MAGI2: variants seen among roughly 807,000 people sequenced by gnomAD.
The protein encoded by MAGI2 is membrane-associated guanylate kinase, WW and PDZ domain-containing protein 2.
In MAGI2, 35 loss-of-function variants were observed where a neutral mutation model predicts 133.3. That is an observed-to-expected ratio of 0.26 (90% confidence interval 0.20 to 0.35). The LOEUF (loss-of-function observed/expected upper bound fraction) is 0.35, where lower values mean the gene tolerates loss of function less well. MAGI2 is among the 10% of genes least tolerant of loss of function. The pLI is 1.00. For synonymous variants in MAGI2, 729 were observed against 710.6 expected (o/e 1.03, Z -0.41); for missense variants, 1,636 against 1,863.4 (o/e 0.88, Z 2.25).
chr7:78,879,135 G>C (rs373232328), intron 2 of MAGI2, among the ~76,000 whole-genome samples: 1 of 152,130 alleles, frequency 6.6e-6, no homozygotes, highest in East Asian at 1.9e-4. Flanking sequence ...GCCCAACTCT[G>C]GATGCTTAGT....
intron 1 of MAGI2, among the ~76,000 whole-genome samples, chr7:79,351,262 A>G (rs1176143570): frequency 6.6e-6 from 1 of 152,164 alleles, no homozygotes; most frequent in East Asian, 1.9e-4. Context: ...ATTTATAGTG[A>G]ATCAAAATAT....
At chr7:78,663,872 CACT>C (rs559812585) in intron 2 of MAGI2, among the ~76,000 whole-genome samples, 2 of 152,162 alleles carry the variant, frequency 1.3e-5, no homozygotes, top group Non-Finnish European at 2.9e-5. Flanking sequence ...CTGATTATTA[CACT>C]ACAAAATTTA....
At chr7:79,444,355 G>C (rs963908589) in intron 1 of MAGI2, among the ~76,000 whole-genome samples, 6 of 152,142 alleles carry the variant, frequency 3.9e-5, no homozygotes, top group Admixed American at 3.3e-4. Flanking sequence ...ATTCAATTAG[G>C]AAAAGAGGAA....
chr7:78,812,980 G>T (rs1027824953), intron 2 of MAGI2, among the ~76,000 whole-genome samples: 1 of 152,122 alleles, frequency 6.6e-6, no homozygotes, highest in African/African-American at 2.4e-5. Context: ...AGAGGTTCTG[G>T]TTCTGGATAA....
chr7:78,652,320 A>T (rs901436786), intron 2 of MAGI2, among the ~76,000 whole-genome samples: 1 of 152,174 alleles, frequency 6.6e-6, no homozygotes, highest in African/African-American at 2.4e-5. Context: ...AGTAAAGGGT[A>T]AGACAATAAT....
chr7:78,647,990 C>A (rs577763089), intron 2 of MAGI2, among the ~76,000 whole-genome samples: 1 of 152,084 alleles, frequency 6.6e-6, no homozygotes, highest in Non-Finnish European at 1.5e-5. Context: ...ACTCCAGGGC[C>A]TGTTGCAGGG....
At chr7:78,172,452 C>T (rs992346022) in intron 14 of MAGI2, among the ~76,000 whole-genome samples, 5 of 152,244 alleles carry the variant, frequency 3.3e-5, no homozygotes, top group Non-Finnish European at 7.3e-5. Flanking sequence ...TTTTCCAGAT[C>T]TCTCCCTCTT....
chr7:78,940,715 G>A (rs1165601424), intron 2 of MAGI2: 2 of 152,280 alleles, frequency 1.3e-5, no homozygotes, highest in African/African-American at 2.4e-5. Context: ...GCAAGACTGT[G>A]ATTACCAACA....
At chr7:79,285,606 C>T (rs1585429194) in intron 1 of MAGI2, among the ~76,000 whole-genome samples, 1 of 152,090 alleles carries the variant, frequency 6.6e-6, no homozygotes, top group Non-Finnish European at 1.5e-5. Flanking sequence ...CAGCACCTCC[C>T]TAACTCTTTT....
intron 2 of MAGI2, among the ~76,000 whole-genome samples, chr7:78,640,872 A>T (rs542278786): frequency 6.6e-6 from 1 of 152,246 alleles, no homozygotes; most frequent in Non-Finnish European, 1.5e-5. Context: ...TGTGCATGAT[A>T]TAGTTTGGCT....
At chr7:78,268,056 C>A (rs1323863752) in intron 9 of MAGI2, among the ~76,000 whole-genome samples, 1 of 152,026 alleles carries the variant, frequency 6.6e-6, no homozygotes, top group African/African-American at 2.4e-5. Flanking sequence ...GATAGGTCCA[C>A]ATGTTTGTAT....
chr7:78,392,831 T>C (rs1385139879), intron 6 of MAGI2, among the ~76,000 whole-genome samples: 1 of 152,018 alleles, frequency 6.6e-6, no homozygotes, highest in African/African-American at 2.4e-5. Flanking sequence ...TTAGTAGAGA[T>C]GGGGTTTCTC....
At chr7:78,697,828 A>T (rs1408226011) in intron 2 of MAGI2, among the ~76,000 whole-genome samples, 2 of 152,028 alleles carry the variant, frequency 1.3e-5, no homozygotes, top group African/African-American at 4.8e-5. Flanking sequence ...ATCCTCTCTC[A>T]TCCTTAAATG....
intron 8 of MAGI2, 150 bp from the exon 9 acceptor site, chr7:78,344,110 G>A (rs1790663906): frequency 3.3e-6 from 2 of 605,760 alleles, no homozygotes; most frequent in Non-Finnish European, 5.7e-6. Flanking sequence ...GACTGCAAGA[G>A]GAGCAAAACT....
chr7:78,122,739 T>C (rs1037826318), intron 20 of MAGI2, among the ~76,000 whole-genome samples: 2 of 152,232 alleles, frequency 1.3e-5, no homozygotes, highest in African/African-American at 4.8e-5. Flanking sequence ...CTCTCAGATT[T>C]TTATTTAAGC....
chr7:79,297,089 T>A (rs1836992294), intron 1 of MAGI2, among the ~76,000 whole-genome samples: 1 of 150,840 alleles, frequency 6.6e-6, no homozygotes, highest in Non-Finnish European at 1.5e-5. Flanking sequence ...GAGAACGGAG[T>A]CATTCAGTCA....
At chr7:79,104,398 G>A (rs1046666366) in intron 1 of MAGI2, among the ~76,000 whole-genome samples, 3 of 152,130 alleles carry the variant, frequency 2.0e-5, no homozygotes, top group Admixed American at 6.5e-5. Flanking sequence ...GCCGGGCGCC[G>A]TGGCTCTTAC....
chr7:78,181,140 C>T (rs1827153076), intron 13 of MAGI2, among the ~76,000 whole-genome samples: 2 of 151,938 alleles, frequency 1.3e-5, no homozygotes, highest in Admixed American at 1.3e-4. Flanking sequence ...TCTTCTGGCC[C>T]GACGACATGT....
rs560678978 is a variant in MAGI2 at position 78,523,349 on chromosome 7, G to A, written c.539-1704C>T. 1.6e-3 allele frequency among the ~76,000 whole-genome samples: 250 copies of A among 151,922 alleles called. 1 individual carries two copies. Among genetic ancestry groups the A allele is most frequent in the South Asian group, 6.5e-3 (31 of 4,796 alleles). ...ATGGCTAGTTGAGAGATAATTGCCC[G>A]ACGCCCGTAGTCCCATCTATTCTGG... On this transcript the variant is annotated intron_variant, in intron 3 of 21. Transcript: ENST00000354212.
Sources: allele counts gnomAD v4.1 joint callset (sites outside exome capture counted in the v4.1 genomes callset), GRCh38; gene constraint gnomAD v4.1.1; transcripts MANE v1.5; gene names NCBI Gene and HGNC (gene_info 2026-07-23, HGNC 2026-07-21).